Variants in H2BC5 observed in about 807,000 individuals in gnomAD.
The protein encoded by H2BC5 is histone H2B type 1-D.
A neutral mutation model predicts 5.7 loss-of-function variants in H2BC5; 9 were observed. The ratio of observed to expected loss-of-function variants is 1.57; its 90% CI spans 0.95 to 2.74. H2BC5 has a LOEUF of 2.74. Among genes scored for constraint, H2BC5 ranks in the 30% most tolerant of loss-of-function variants. The probability of loss-of-function intolerance (pLI) is 0.00; values close to 1 mark genes in which losing one functional copy is unlikely to be tolerated. For missense variants in H2BC5, 175 were observed against 168.8 expected, an observed-to-expected ratio of 1.04 and a Z score of -0.20; for synonymous variants, 133 against 70.9, an observed-to-expected ratio of 1.88 and a Z score of -4.40.
downstream of H2BC5, among the ~76,000 whole-genome samples, chr6:26,159,966 A>G (rs1764326507): frequency 6.6e-6 from 1 of 152,244 alleles, no homozygotes; most frequent in Admixed American, 6.5e-5. Flanking sequence ...ACCAGGGTAT[A>G]GAGCCTGATA....
intron 1 of H2BC5, among the ~76,000 whole-genome samples, chr6:26,167,096 C>T (rs1581436113): frequency 9.9e-6 from 1 of 101,262 alleles, no homozygotes; most frequent in African/African-American, 3.9e-5. Context: ...GTTAATGTTG[C>T]AAAGAGTAGT....
chr6:26,160,054 C>T (rs1481590053), downstream of H2BC5, among the ~76,000 whole-genome samples: 1 of 152,124 alleles, frequency 6.6e-6, no homozygotes, highest in African/African-American at 2.4e-5. Flanking sequence ...CACATACAAA[C>T]CCATCACAGA....
intron 1 of H2BC5, among the ~76,000 whole-genome samples, chr6:26,169,619 A>G (rs1056892742): frequency 6.6e-6 from 1 of 152,166 alleles, no homozygotes; most frequent in Non-Finnish European, 1.5e-5. Context: ...GAGCATGAGA[A>G]AAAAGGTGAG....
At chr6:26,164,940 G>A (rs1764398829) in intron 1 of H2BC5, among the ~76,000 whole-genome samples, 1 of 152,168 alleles carries the variant, frequency 6.6e-6, no homozygotes, top group East Asian at 1.9e-4. Context: ...CTTGGGGGAA[G>A]ATTCTAGCCT....
downstream of H2BC5, among the ~76,000 whole-genome samples, chr6:26,158,990 G>A (rs951168971): frequency 2.1e-4 from 32 of 152,044 alleles, no homozygotes; most frequent in African/African-American, 7.2e-4. Flanking sequence ...CCATTTTCTT[G>A]TAAAATTTTT....
At chr6:26,170,046 G>A (rs1390203281) in intron 1 of H2BC5, among the ~76,000 whole-genome samples, 2 of 152,186 alleles carry the variant, frequency 1.3e-5, no homozygotes, top group Admixed American at 6.5e-5. Flanking sequence ...TATACTTGGT[G>A]TCTCAGTTGT....
chr6:26,158,657 G>A (rs1265051135), downstream of H2BC5: 6 of 1,501,952 alleles, frequency 4.0e-6, no homozygotes, highest in East Asian at 2.3e-5. Context: ...GGGGGTTATT[G>A]GACTTAGCAC....
chr6:26,165,744 G>T (rs1764411928), intron 1 of H2BC5, among the ~76,000 whole-genome samples: 1 of 152,128 alleles, frequency 6.6e-6, no homozygotes, highest in South Asian at 2.1e-4. Context: ...TCCTCCTAGG[G>T]CCTGGTCTCA....
At chr6:26,163,981 T>C (rs1165523604) in intron 1 of H2BC5, 2 of 319,562 alleles carry the variant, frequency 6.3e-6, no homozygotes, top group African/African-American at 4.4e-5. Flanking sequence ...ATCTGGCACA[T>C]ACCCAGAAGT....
rs886922447 is a variant in H2BC5 at position 26,165,967 on chromosome 6, T to G, written c.*10-5008T>G. On this transcript the variant is annotated intron_variant, in intron 1 of 1. Transcript: ENST00000289316. ...GAATGACAATGGAATGGCTGAAGTC[T>G]GCTGTCATCAGAAGCTAGGGAGGGT... is the stretch of plus-strand genomic sequence containing the variant. Among the ~76,000 whole-genome samples the G allele has an allele frequency of 3.3e-5, 5 of 152,204 alleles. No individual in the cohort carries two copies. In the South Asian group the frequency reaches 8.3e-4, roughly 25 times the overall value.
At chr6:26,164,851 C>T (rs756785148) in intron 1 of H2BC5, among the ~76,000 whole-genome samples, 6 of 151,926 alleles carry the variant, frequency 3.9e-5, no homozygotes, top group Middle Eastern at 3.2e-3. Flanking sequence ...TTATCATCAC[C>T]ATGTTCTCTC....
At chr6:26,159,040 A>G (rs1179113469), downstream of H2BC5, among the ~76,000 whole-genome samples, 1 of 152,110 alleles carries the variant, frequency 6.6e-6, no homozygotes, top group Non-Finnish European at 1.5e-5. Flanking sequence ...AAGGCTGAAG[A>G]CAATGTGAGC....
chr6:26,159,275 C>T (rs1335604474), downstream of H2BC5, among the ~76,000 whole-genome samples: 3 of 46,324 alleles, frequency 6.5e-5, no homozygotes, highest in South Asian at 5.2e-4. Context: ...TTTTTTTTGG[C>T]AGCTTTCAGG....
chr6:26,158,700 T>C, downstream of H2BC5: 1 of 1,258,030 alleles, frequency 7.9e-7, no homozygotes, highest in Non-Finnish European at 1.1e-6. Context: ...ACGTTAGTAC[T>C]GCAGAGGAAA....
chr6:26,162,581 G>A (rs1764368982), downstream of H2BC5, among the ~76,000 whole-genome samples: 1 of 152,126 alleles, frequency 6.6e-6, no homozygotes, highest in Admixed American at 6.5e-5. Flanking sequence ...TTTATCTGTT[G>A]CCCAGGCTGG....
Position 26,158,144 on chromosome 6 carries a change from A to T in H2BC5, c.-26A>T. On this transcript the variant is annotated 5_prime_UTR_variant, in exon 1 of 1. Coordinates refer to ENST00000377777, the MANE Select transcript of H2BC5 (RefSeq NM_021063.4). ...GTGATTATTTTCTCAGGTGTTTGCA[A>T]CAGTGTTCTAACTATTAACGCTACG... is the stretch of plus-strand genomic sequence containing the variant. 1 of 1,600,002 alleles carries T rather than the reference A, an allele frequency of 6.2e-7. No individual in the cohort carries two copies. The highest frequency in any genetic ancestry group is 1.8e-5 in the Admixed American group (1 of 56,352).
At position 26,158,339 on chromosome 6, in the gene H2BC5, C is replaced by A. The variant is rs767243005; in HGVS notation, c.170C>A (p.Ser57Tyr). Residue 57 changes from serine (S) to tyrosine (Y), a missense_variant, in exon 1 of 1, where the codon TCC becomes TAC. Ser to Tyr is a moderately radical substitution (Grantham distance 144). Coordinates refer to ENST00000377777, the MANE Select transcript of H2BC5 (RefSeq NM_021063.4). Reference protein sequence around the residue: ...KQVHPDTGISSKAMGIMNSFV... With the variant: ...KQVHPDTGISYKAMGIMNSFV... ...GTCCATCCCGACACCGGCATCTCTT[C>A]CAAGGCAATGGGGATCATGAATTCC... 6.2e-7 allele frequency: 1 copy of A among 1,614,262 alleles called. No individual in the cohort carries two copies. Among genetic ancestry groups the A allele is most frequent in the Non-Finnish European group, 8.5e-7 (1 of 1,180,046 alleles).
downstream of H2BC5, among the ~76,000 whole-genome samples, chr6:26,162,977 T>C (rs2113835075): frequency 6.6e-6 from 1 of 152,312 alleles, no homozygotes; most frequent in African/African-American, 2.4e-5. Flanking sequence ...ATAGATTTCT[T>C]TGTGTTGATT....
In H2BC5 at chr6:26,158,499, C is replaced by T. The variant is rs766316791; in HGVS notation, c.330C>T (p.His110=). ...TGCTTCCGGGGGAGCTGGCCAAGCA[C>T]GCCGTGTCGGAGGGCACCAAGGCCG... The part of the protein sequence containing the change: ...RLLLPGELAK[H]AVSEGTKAVT... The change falls in exon 1 of 1, where the codon CAC becomes CAT. Residue 110 remains histidine (H), a synonymous_variant. Coordinates refer to ENST00000377777, the MANE Select transcript of H2BC5 (RefSeq NM_021063.4). The T allele has an allele frequency of 3.7e-6, 6 of 1,614,128 alleles. No individual in the cohort carries two copies. The highest frequency in any genetic ancestry group is 1.7e-6 in the Non-Finnish European group (2 of 1,180,054).
Sources: allele counts gnomAD v4.1 joint callset (sites outside exome capture counted in the v4.1 genomes callset), GRCh38; gene constraint gnomAD v4.1.1; transcripts MANE v1.5; gene names NCBI Gene and HGNC (gene_info 2026-07-23, HGNC 2026-07-21).